Variants in FSTL4 observed in about 807,000 individuals in gnomAD.
FSTL4 encodes the protein follistatin like 4.
Under a neutral mutation model 78.2 loss-of-function variants are expected in FSTL4, and 28 were observed. The ratio of observed to expected loss-of-function variants is 0.36; its 90% CI spans 0.27 to 0.49. The LOEUF is 0.49. Among genes scored for constraint, FSTL4 ranks in the 20% least tolerant of loss-of-function variants. The probability of loss-of-function intolerance (pLI) is 0.98; values close to 1 mark genes in which losing one functional copy is unlikely to be tolerated. For synonymous variants in FSTL4, 422 were observed against 440.5 expected, an observed-to-expected ratio of 0.96 and a Z score of 0.53; for missense variants, 922 against 1,084.9, an observed-to-expected ratio of 0.85 and a Z score of 2.11.
At chr5:133,836,825 G>A in the FSTL4 span, among the ~76,000 whole-genome samples, 5 of 152,150 alleles carry the variant, frequency 3.3e-5, no homozygotes, top group Admixed American at 1.3e-4. Context: ...CACGCTCACT[G>A]TTGCTCTTAG....
chr5:133,234,891 G>A (rs1003176364), intron 7 of FSTL4, among the ~76,000 whole-genome samples: 1 of 152,146 alleles, frequency 6.6e-6, no homozygotes, highest in Non-Finnish European at 1.5e-5. Context: ...TATACACAGG[G>A]GATGTTATTT....
chr5:133,671,741 G>GTTTCCTT, the FSTL4 span, among the ~76,000 whole-genome samples: 25 of 152,190 alleles, frequency 1.6e-4, no homozygotes, highest in Non-Finnish European at 3.4e-4. Context: ...GGCAAAGGCA[G>GTTTCCTT]AGGAAAACAA....
chr5:133,757,390 C>T, the FSTL4 span, among the ~76,000 whole-genome samples: 3 of 152,148 alleles, frequency 2.0e-5, no homozygotes, highest in Non-Finnish European at 4.4e-5. Flanking sequence ...TCAGTTTGAA[C>T]CAGCTGTATT....
the FSTL4 span, among the ~76,000 whole-genome samples, chr5:133,746,381 C>A: frequency 6.6e-6 from 1 of 152,048 alleles, no homozygotes; most frequent in Non-Finnish European, 1.5e-5. Context: ...TGGGCATGAG[C>A]AGACAGCTAT....
At chr5:133,679,142 C>G in the FSTL4 span, among the ~76,000 whole-genome samples, 1 of 152,146 alleles carries the variant, frequency 6.6e-6, no homozygotes, top group Non-Finnish European at 1.5e-5. Flanking sequence ...ACTCTTCCCT[C>G]AGCAACATGC....
chr5:133,793,846 A>G, the FSTL4 span, among the ~76,000 whole-genome samples: 1 of 152,168 alleles, frequency 6.6e-6, no homozygotes, highest in Non-Finnish European at 1.5e-5. Context: ...CCAGCTCTGT[A>G]TTCAGGTTTT....
chr5:133,248,981 C>G (rs1051288942), intron 7 of FSTL4, among the ~76,000 whole-genome samples: 9 of 152,196 alleles, frequency 5.9e-5, no homozygotes, highest in Non-Finnish European at 1.3e-4. Context: ...TACAGCCTAC[C>G]CAGCACTAGG....
chr5:133,778,020 G>T, the FSTL4 span, among the ~76,000 whole-genome samples: 55 of 152,326 alleles, frequency 3.6e-4, no homozygotes, highest in Non-Finnish European at 6.5e-4. Context: ...GGGAAAACTG[G>T]GGGTCTCAGC....
intron 15 of FSTL4, among the ~76,000 whole-genome samples, chr5:133,200,066 G>A (rs538148865): frequency 5.3e-5 from 8 of 152,326 alleles, no homozygotes; most frequent in East Asian, 3.9e-4. Flanking sequence ...GGAGGAAGGC[G>A]AGAGGCGCTT....
At chr5:133,211,637 C>G (rs781697775) in intron 13 of FSTL4, among the ~76,000 whole-genome samples, 8 of 152,206 alleles carry the variant, frequency 5.3e-5, no homozygotes, top group East Asian at 1.9e-4. Context: ...GTGCCGAATT[C>G]AGAGACCATT....
chr5:133,752,776 A>C, the FSTL4 span, among the ~76,000 whole-genome samples: 2 of 152,132 alleles, frequency 1.3e-5, no homozygotes. Context: ...CAGGGGGGTC[A>C]AGGGTCAGTG....
At chr5:133,413,100 A>G (rs1756511502) in intron 3 of FSTL4, among the ~76,000 whole-genome samples, 2 of 152,076 alleles carry the variant, frequency 1.3e-5, no homozygotes, top group Non-Finnish European at 1.5e-5. Context: ...GTTTATCTCA[A>G]ATTTTAAAAT....
At chr5:133,621,820 T>A in the FSTL4 span, among the ~76,000 whole-genome samples, 2 of 152,234 alleles carry the variant, frequency 1.3e-5, no homozygotes, top group South Asian at 2.1e-4. Context: ...GTGATTTTTT[T>A]ATTTTTTTAA....
At chr5:133,746,693 A>G in the FSTL4 span, among the ~76,000 whole-genome samples, 3 of 152,220 alleles carry the variant, frequency 2.0e-5, no homozygotes, top group Non-Finnish European at 2.9e-5. Context: ...TATTGCAAAA[A>G]AGACATTGCC....
intron 3 of FSTL4, among the ~76,000 whole-genome samples, chr5:133,482,888 G>T (rs920094009): frequency 5.9e-5 from 9 of 152,140 alleles, no homozygotes; most frequent in Middle Eastern, 3.2e-3. Context: ...ACTACCCTGG[G>T]CCAAAGAGCC....
At chr5:133,416,308 T>C (rs1190047544) in intron 3 of FSTL4, among the ~76,000 whole-genome samples, 1 of 152,220 alleles carries the variant, frequency 6.6e-6, no homozygotes, top group East Asian at 1.9e-4. Flanking sequence ...AACTGATTTT[T>C]AAAAAGTGAA....
At chr5:133,640,118 C>T in the FSTL4 span, among the ~76,000 whole-genome samples, 5 of 152,160 alleles carry the variant, frequency 3.3e-5, no homozygotes, top group African/African-American at 9.7e-5. Context: ...GCCTTGCCCA[C>T]AGGCCATTCT....
intron 4 of FSTL4, chr5:133,388,568 G>A (rs890811584): frequency 7.4e-5 from 11 of 148,630 alleles, no homozygotes; most frequent in Non-Finnish European, 3.0e-5. Flanking sequence ...AGAGCCCCCA[G>A]TGCAACACCA....
intron 3 of FSTL4, among the ~76,000 whole-genome samples, chr5:133,509,211 C>T (rs1213002583): frequency 2.6e-5 from 4 of 152,214 alleles, no homozygotes; most frequent in Non-Finnish European, 5.9e-5. Context: ...TGCCCTGCTA[C>T]ACTGGGTGAG....
Sources: allele counts gnomAD v4.1 joint callset (sites outside exome capture counted in the v4.1 genomes callset), GRCh38; gene constraint gnomAD v4.1.1; transcripts MANE v1.5; gene names NCBI Gene and HGNC (gene_info 2026-07-23, HGNC 2026-07-21).